Variants in GPC5 observed in about 807,000 individuals in gnomAD.
The protein encoded by GPC5 is glypican-5.
Under a neutral mutation model 53.9 loss-of-function variants are expected in GPC5, and 47 were observed. That is an observed-to-expected ratio of 0.87 (90% CI 0.69 to 1.11). The LOEUF is 1.11. GPC5 is among the 50% of genes most tolerant of loss of function. The pLI, the probability that GPC5 is intolerant of heterozygous loss-of-function variation, is 0.00. For missense variants in GPC5, 748 were observed against 713.1 expected (o/e 1.05, Z -0.56); for synonymous variants, 286 against 263.3 (o/e 1.09, Z -0.84).
At chr13:91,501,220 A>T (rs1884612620) in intron 2 of GPC5, among the ~76,000 whole-genome samples, 1 of 149,886 alleles carries the variant, frequency 6.7e-6, no homozygotes, top group African/African-American at 2.4e-5. Flanking sequence ...CTTGCAGGAA[A>T]GCTCAGCTCT....
intron 5 of GPC5, among the ~76,000 whole-genome samples, chr13:91,869,937 T>C (rs940030868): frequency 6.6e-6 from 1 of 152,152 alleles, no homozygotes; most frequent in African/African-American, 2.4e-5. Context: ...ACCCCCATGA[T>C]ACAATCACCT....
chr13:91,749,802 A>AAAG (rs2037130412), intron 4 of GPC5, among the ~76,000 whole-genome samples: 1 of 152,154 alleles, frequency 6.6e-6, no homozygotes, highest in Non-Finnish European at 1.5e-5. Flanking sequence ...TAGTATTTTA[A>AAAG]AAGTAGGGAA....
At chr13:92,555,385 A>C (rs193219863) in intron 7 of GPC5, among the ~76,000 whole-genome samples, 1 of 151,690 alleles carries the variant, frequency 6.6e-6, no homozygotes, top group Admixed American at 6.6e-5. Context: ...TCTGAAAGAT[A>C]CCTAAAATTA....
chr13:91,832,302 T>C (rs747883296), intron 5 of GPC5, among the ~76,000 whole-genome samples: 213 of 46,192 alleles, frequency 4.6e-3, no homozygotes, highest in East Asian at 0.018. Flanking sequence ...TTTTTTCTCT[T>C]TTTTTTTTTT....
At position 92,708,684 on chromosome 13, in the gene GPC5, G is replaced by A. The variant is rs141785614; in HGVS notation, c.1562-157598G>A. 9.7e-3 allele frequency among the ~76,000 whole-genome samples: 1,467 copies of A among 151,314 alleles called. 29 individuals are homozygous for A. Among genetic ancestry groups the A allele is most frequent in the African/African-American group, 0.035 (1,414 of 40,774 alleles). On this transcript the variant is annotated intron_variant, in intron 7 of 7. Transcript: ENST00000377067. Reference sequence around the variant, plus strand: ...GTGGAGCAATACGTAAGGTTGGGGAGAAGAGATGTTATTAGAGACAATACG... The same window carrying A: ...GTGGAGCAATACGTAAGGTTGGGGAAAAGAGATGTTATTAGAGACAATACG...
At chr13:92,068,330 G>A (rs1207039019) in intron 6 of GPC5, among the ~76,000 whole-genome samples, 1 of 151,678 alleles carries the variant, frequency 6.6e-6, no homozygotes, top group Non-Finnish European at 1.5e-5. Flanking sequence ...ATTGGGTATT[G>A]GTAGTGTAAG....
At chr13:92,476,806 A>G (rs1209992060) in intron 7 of GPC5, among the ~76,000 whole-genome samples, 2 of 146,360 alleles carry the variant, frequency 1.4e-5, no homozygotes, top group South Asian at 4.5e-4. Flanking sequence ...AAAAAACCAA[A>G]CACCGCATAT....
At chr13:91,418,411 G>A (rs992373287) in intron 1 of GPC5, among the ~76,000 whole-genome samples, 1 of 152,126 alleles carries the variant, frequency 6.6e-6, no homozygotes, top group African/African-American at 2.4e-5. Context: ...GGAGTGCTAG[G>A]ATCAGCATTT....
At chr13:92,787,667 C>CA (rs71202562) in intron 7 of GPC5, among the ~76,000 whole-genome samples, 9,541 of 56,224 alleles carry the variant, frequency 0.17, 523 homozygotes, top group Non-Finnish European at 0.21. Flanking sequence ...CTCATAGCTA[C>CA]AAAAAAAAAA....
At chr13:92,228,071 C>T (rs1159212069) in intron 7 of GPC5, among the ~76,000 whole-genome samples, 1 of 151,344 alleles carries the variant, frequency 6.6e-6, no homozygotes, top group Non-Finnish European at 1.5e-5. Flanking sequence ...CTTGTCTTCA[C>T]GTTGAGTAGG....
intron 6 of GPC5, among the ~76,000 whole-genome samples, chr13:91,929,038 T>A (rs1347074546): frequency 6.6e-6 from 1 of 152,110 alleles, no homozygotes; most frequent in Non-Finnish European, 1.5e-5. Flanking sequence ...CCAGAGTAGG[T>A]TTGTTTAGAT....
At chr13:92,426,254 A>T (rs1470839843) in intron 7 of GPC5, among the ~76,000 whole-genome samples, 2 of 151,906 alleles carry the variant, frequency 1.3e-5, no homozygotes, top group Non-Finnish European at 2.9e-5. Flanking sequence ...ACTGAAAGTC[A>T]CTCTATATTA....
intron 1 of GPC5, among the ~76,000 whole-genome samples, chr13:91,409,138 A>G (rs989010792): frequency 1.3e-5 from 2 of 152,132 alleles, no homozygotes; most frequent in Non-Finnish European, 2.9e-5. Context: ...ACCGAGCTAC[A>G]TTTGGTTCAT....
intron 5 of GPC5, among the ~76,000 whole-genome samples, chr13:91,866,385 G>C (rs2039085270): frequency 6.6e-6 from 1 of 152,190 alleles, no homozygotes; most frequent in Non-Finnish European, 1.5e-5. Flanking sequence ...TCCAGTGTTG[G>C]AGGTGGGCTT....
intron 2 of GPC5, among the ~76,000 whole-genome samples, chr13:91,544,313 G>C (rs74336522): frequency 0.019 from 2,872 of 152,038 alleles, 87 homozygotes; most frequent in African/African-American, 0.066. Context: ...TATTTTTAAA[G>C]ATTTTTAAAA....
At chr13:92,031,909 A>G (rs2040854461) in intron 6 of GPC5, among the ~76,000 whole-genome samples, 1 of 114,486 alleles carries the variant, frequency 8.7e-6, no homozygotes, top group Non-Finnish European at 1.7e-5. Context: ...TATATATTAT[A>G]TATTATAAAT....
intron 7 of GPC5, among the ~76,000 whole-genome samples, chr13:92,513,748 A>C (rs1479831218): frequency 6.6e-6 from 1 of 152,134 alleles, no homozygotes; most frequent in Non-Finnish European, 1.5e-5. Flanking sequence ...GTTCGGATCC[A>C]AGTCTAAACA....
intron 7 of GPC5, among the ~76,000 whole-genome samples, chr13:92,737,897 G>C (rs948768288): frequency 1.3e-5 from 2 of 150,564 alleles, no homozygotes; most frequent in Non-Finnish European, 2.9e-5. Flanking sequence ...CTGCTGTGTA[G>C]CTGGCATTAC....
At chr13:91,835,078 A>C (rs908456590) in intron 5 of GPC5, among the ~76,000 whole-genome samples, 4 of 152,220 alleles carry the variant, frequency 2.6e-5, no homozygotes, top group African/African-American at 9.6e-5. Context: ...AAGTGGGTGA[A>C]GGATATGAAC....
Sources: gnomAD v4.1 joint callset for allele counts (sites outside exome capture counted in the v4.1 genomes callset) on GRCh38, gnomAD v4.1.1 for gene constraint, MANE v1.5 for transcripts, NCBI Gene and HGNC (gene_info 2026-07-23, HGNC 2026-07-21) for gene names.